Variants in PRRC2B observed in about 807,000 individuals in gnomAD.
PRRC2B encodes proline rich coiled-coil 2B.
In PRRC2B, 68 loss-of-function variants were observed where a neutral mutation model predicts 242.3. The observed-to-expected ratio is 0.28, with a 90% CI of 0.23 to 0.34. The LOEUF is 0.34. Ranked by LOEUF, PRRC2B falls within the 10% of genes least tolerant of loss-of-function variation. The probability of loss-of-function intolerance (pLI) is 1.00; values close to 1 mark genes in which losing one functional copy is unlikely to be tolerated. For synonymous variants in PRRC2B, 1,228 were observed against 1,173.6 expected, an observed-to-expected ratio of 1.05 and a Z score of -0.95; for missense variants, 2,835 against 2,954.8, an observed-to-expected ratio of 0.96 and a Z score of 0.94.
At position 131,432,620 on chromosome 9, in the gene PRRC2B, T is replaced by C. The variant is rs748662682; in HGVS notation, c.119T>C (p.Ile40Thr). The change falls in exon 3 of 32, where the codon ATT (isoleucine) becomes ACT (threonine). Residue 40 changes from isoleucine to threonine, a missense_variant. Transcript: ENST00000683519. ...TTCCATGTCCCTCTCCCTGCAGTTATTCCTAGACATGGCTTACAGAGTCTT... is the reference window on the plus strand; with the variant it reads ...TTCCATGTCCCTCTCCCTGCAGTTACTCCTAGACATGGCTTACAGAGTCTT... ...KSVDAIRSSVIPRHGLQSLGK... is the reference protein window; with the variant it reads ...KSVDAIRSSVTPRHGLQSLGK... 1 of 1,613,826 alleles carries C rather than the reference T, an allele frequency of 6.2e-7. No homozygotes were observed.
intron 26 of PRRC2B, 87 bp downstream of exon 26, chr9:131,486,269 TTGTC>T (rs1304963483): frequency 9.2e-6 from 9 of 983,260 alleles, no homozygotes; most frequent in Non-Finnish European, 1.1e-5. Flanking sequence ...CTATTTCTCA[TTGTC>T]TGTCTGGTTT....
chr9:131,495,399 G>GGA (rs1194832141), intron 31 of PRRC2B, among the ~76,000 whole-genome samples: 1 of 152,204 alleles, frequency 6.6e-6, no homozygotes, highest in Non-Finnish European at 1.5e-5. Flanking sequence ...CTGTGGGGCA[G>GGA]GAGGTGCACT....
chr9:131,427,805 A>C lies in PRRC2B; in HGVS notation c.-51-2289A>C, dbSNP rs539733115. On this transcript the variant is annotated intron_variant, in intron 1 of 31. Transcript: ENST00000683519. Reference sequence around the variant, plus strand: ...CCAGTCAGTGGTAAAATGGGGAATTATAGTTGTTGCCATTATGTCATTGAG... The same window carrying C: ...CCAGTCAGTGGTAAAATGGGGAATTCTAGTTGTTGCCATTATGTCATTGAG... 7.0e-4 allele frequency among the ~76,000 whole-genome samples: 106 copies of C among 152,350 alleles called. 1 individual carries two copies. Among genetic ancestry groups the C allele is most frequent in the African/African-American group, 2.4e-3 (101 of 41,586 alleles).
At chr9:131,481,879 C>T in intron 20 of PRRC2B, 71 bp downstream of exon 20, 2 of 1,402,658 alleles carry the variant, frequency 1.4e-6, no homozygotes, top group African/African-American at 1.4e-5. Flanking sequence ...ATCCACACGG[C>T]CAGCTTGCTG....
In PRRC2B at chr9:131,470,853, C is replaced by G; in HGVS notation, c.1977C>G (p.Thr659=). The G allele has an allele frequency of 6.2e-7, 1 of 1,611,124 alleles. No individual in the cohort carries two copies. Among genetic ancestry groups the G allele is most frequent in the Non-Finnish European group, 8.5e-7 (1 of 1,177,890 alleles). ...CCCCGCCGTCCCACCCCCAGCGCAC[C>G]TTTTACCCACACCACCCCCAGATGT... ...VYPPPSHPQR[T]FYPHHPQMLG... is the part of the protein sequence containing the mutation. The change falls in exon 14 of 32, where the codon ACC becomes ACG. Residue 659 remains threonine (T), a synonymous_variant. Coordinates refer to ENST00000683519, the MANE Select transcript of PRRC2B (RefSeq NM_013318.4).
chr9:131,469,826 C>T (rs1943491439), intron 13 of PRRC2B, among the ~76,000 whole-genome samples: 1 of 152,130 alleles, frequency 6.6e-6, no homozygotes. Flanking sequence ...ATTTGTTTAC[C>T]CATTTGTGCA....
At position 131,495,922 on chromosome 9, in the gene PRRC2B, C is replaced by T. The variant is rs1435550283; in HGVS notation, c.*48C>T. 23 of 1,579,220 alleles carry T rather than the reference C, an allele frequency of 1.5e-5. No individual in the cohort carries two copies. Among genetic ancestry groups the T allele is most frequent in the Non-Finnish European group, 1.9e-5 (22 of 1,156,878 alleles). ...CTCTCCCTACTGAGGACGGTGCCGC[C>T]ATGCGGCCTCGACACAGCCGACACT... On this transcript the variant is annotated 3_prime_UTR_variant, in exon 32 of 32. Transcript: ENST00000683519.
intron 10 of PRRC2B, among the ~76,000 whole-genome samples, chr9:131,457,901 G>C (rs1190077814): frequency 2.0e-5 from 3 of 152,040 alleles, no homozygotes; most frequent in Non-Finnish European, 4.4e-5. Flanking sequence ...TACCTGCCTC[G>C]TCTTCCCTCC....
At chr9:131,424,225 A>G (rs1837924224) in intron 1 of PRRC2B, among the ~76,000 whole-genome samples, 1 of 151,852 alleles carries the variant, frequency 6.6e-6, no homozygotes, top group Non-Finnish European at 1.5e-5. Context: ...TACAAGCGTG[A>G]GCCCCGGCGC....
intron 1 of PRRC2B, among the ~76,000 whole-genome samples, chr9:131,406,747 C>T (rs1411676184): frequency 6.6e-6 from 1 of 152,022 alleles, no homozygotes; most frequent in African/African-American, 2.4e-5. Context: ...TACTATGTTG[C>T]TCAGTTCACC....
intron 1 of PRRC2B, among the ~76,000 whole-genome samples, chr9:131,387,602 A>G (rs1836841683): frequency 6.7e-6 from 1 of 150,312 alleles, no homozygotes; most frequent in Non-Finnish European, 1.5e-5. Context: ...ATTTGCATCA[A>G]ATAAGACAGA....
At chr9:131,400,696 G>A (rs966934499) in intron 1 of PRRC2B, among the ~76,000 whole-genome samples, 7 of 152,140 alleles carry the variant, frequency 4.6e-5, no homozygotes, top group Admixed American at 1.3e-4. Context: ...ACAGGCATGA[G>A]CCACGGCACC....
In PRRC2B at chr9:131,476,342, C is replaced by T. The variant is rs575490253; in HGVS notation, c.4213C>T (p.Leu1405=). The part of the protein sequence containing the change: ...SEPDSQVDGG[L]SGASLGEKKE... ...GCCCGACTCCCAGGTGGATGGTGGC[C>T]TGTCGGGGGCTAGTTTGGGTGAGAA... The change falls in exon 16 of 32, where the codon CTG becomes TTG. Residue 1405 remains leucine, a synonymous_variant. Transcript: ENST00000683519. The T allele has an allele frequency of 9.5e-6, 15 of 1,586,776 alleles. No individual in the cohort carries two copies. The highest frequency in any genetic ancestry group is 1.3e-5 in the Non-Finnish European group (15 of 1,166,776).
rs1294268328 is a variant in PRRC2B at position 131,478,634 on chromosome 9, G to GT, written c.4758+16dup. On this transcript the variant is annotated intron_variant, in intron 18 of 31. Transcript: ENST00000683519. ...AGGCCGTGCAGGTGAGGGGCGGAGG[G>GT]TGGGGGGGCATGGGGCTGGAGGGCA... 7.4e-6 allele frequency: 11 copies of GT among 1,488,844 alleles called. No individual in the cohort carries two copies. Among genetic ancestry groups the GT allele is most frequent in the Admixed American group, 1.8e-5 (1 of 56,806 alleles). 92.2% of individuals were successfully genotyped at this position (1,488,844 alleles called of 1,614,324 possible).
At chr9:131,425,633 G>A (rs538173102) in intron 1 of PRRC2B, among the ~76,000 whole-genome samples, 2 of 151,564 alleles carry the variant, frequency 1.3e-5, no homozygotes, top group East Asian at 4.0e-4. Context: ...GACTGCAGGC[G>A]CCTGCCACCA....
rs1435007936 is a variant in PRRC2B, at chr9:131,475,786, C to T, written c.3657C>T (p.Phe1219=). ...ATTGCGGGTATGGACGGAGAACCTTCGTCTCCAAAGAGTCACCCCACTGGC... is the reference window on the plus strand; with the variant it reads ...ATTGCGGGTATGGACGGAGAACCTTTGTCTCCAAAGAGTCACCCCACTGGC... The part of the protein sequence containing the change: ...LSNCGYGRRT[F]VSKESPHWQS... Residue 1219 remains phenylalanine, a synonymous_variant, in exon 16 of 32, where the codon TTC becomes TTT. Coordinates refer to ENST00000683519, the MANE Select transcript of PRRC2B (RefSeq NM_013318.4). 7 of 1,613,254 alleles carry T rather than the reference C, an allele frequency of 4.3e-6. No homozygotes were observed. In the African/African-American group the frequency reaches 5.3e-5, roughly 12 times the overall value.
intron 10 of PRRC2B, among the ~76,000 whole-genome samples, chr9:131,458,747 C>T (rs1943156093): frequency 6.6e-6 from 1 of 152,180 alleles, no homozygotes; most frequent in African/African-American, 2.4e-5. Flanking sequence ...AAATGATCAG[C>T]CCGCCTCAGC....
chr9:131,409,340 T>C (rs1350827028), intron 1 of PRRC2B, among the ~76,000 whole-genome samples: 1 of 151,752 alleles, frequency 6.6e-6, no homozygotes, highest in Non-Finnish European at 1.5e-5. Flanking sequence ...CCACCACGCC[T>C]GGCTAATTTT....
At chr9:131,379,997 T>A (rs1836735157) in intron 1 of PRRC2B, among the ~76,000 whole-genome samples, 1 of 113,638 alleles carries the variant, frequency 8.8e-6, no homozygotes, top group Admixed American at 8.4e-5. Context: ...TATATAATAA[T>A]TTTTTTTTTT....
Sources: gnomAD v4.1 joint callset for allele counts (sites outside exome capture counted in the v4.1 genomes callset) on GRCh38, gnomAD v4.1.1 for gene constraint, MANE v1.5 for transcripts, NCBI Gene and HGNC (gene_info 2026-07-23, HGNC 2026-07-21) for gene names.